The following SPINK5 variants were observed in gnomAD, a reference collection of about 807,000 sequenced individuals.
The protein encoded by SPINK5 is serine peptidase inhibitor Kazal type 5.
In SPINK5, 125 loss-of-function variants were observed where a neutral mutation model predicts 151.8. The ratio of observed to expected loss-of-function variants is 0.82; its 90% CI spans 0.71 to 0.96. The LOEUF (loss-of-function observed/expected upper bound fraction) is 0.96. SPINK5 is among the 40% of genes least tolerant of loss of function. SPINK5 has a pLI of 0.00. For synonymous variants in SPINK5, 374 were observed against 395.3 expected (o/e 0.95, Z 0.64); for missense variants, 1,194 against 1,291.9 (o/e 0.92, Z 1.16).
At chr5:148,133,723 T>G in intron 31 of SPINK5, 74 bp from the exon 32 acceptor site, 1 of 1,461,042 alleles carries the variant, frequency 6.8e-7, no homozygotes, top group Non-Finnish European at 9.6e-7. Flanking sequence ...GTGTCCTGCA[T>G]GTTGGTCCTT....
At position 148,133,778 on chromosome 5, in the gene SPINK5, A is replaced by G; in HGVS notation, c.3096-19A>G. The G allele has an allele frequency of 6.2e-7, 1 of 1,613,030 alleles. No individual in the cohort carries two copies. Among genetic ancestry groups the G allele is most frequent in the East Asian group, 2.2e-5 (1 of 44,884 alleles). ...CTGAGAACTTCCTCGTTGTTGAAGCATCCTCTGATCTGTTTTAGGATACGC... is the reference window on the plus strand; with the variant it reads ...CTGAGAACTTCCTCGTTGTTGAAGCGTCCTCTGATCTGTTTTAGGATACGC... On this transcript the variant is annotated intron_variant, in intron 31 of 32. Transcript: ENST00000256084.
At chr5:148,124,742 C>CTTT (rs3036731) in intron 27 of SPINK5, 23 bp from the exon 28 acceptor site, 111 of 1,373,506 alleles carry the variant, frequency 8.1e-5, no homozygotes, top group African/African-American at 6.8e-4. Context: ...ATTACCCTAT[C>CTTT]TTTTTTTTTA....
intron 2 of SPINK5, among the ~76,000 whole-genome samples, chr5:148,067,402 C>T (rs958086204): frequency 6.6e-6 from 1 of 152,094 alleles, no homozygotes; most frequent in Non-Finnish European, 1.5e-5. Flanking sequence ...AGTTACCCTG[C>T]AAGTAAACAG....
At chr5:148,114,541 A>G (rs567258572) in intron 21 of SPINK5, 52 bp downstream of exon 21, 201 of 1,608,978 alleles carry the variant, frequency 1.2e-4, no homozygotes, top group Admixed American at 6.0e-4. Context: ...TGGGGAAGCA[A>G]TGAGCCAGGC....
chr5:148,135,302 G>A (rs1006465842), intron 32 of SPINK5, among the ~76,000 whole-genome samples: 2 of 152,140 alleles, frequency 1.3e-5, no homozygotes, highest in African/African-American at 4.8e-5. Context: ...GGAGAGAAAG[G>A]TCAAAATAGC....
chr5:148,125,770 C>T lies in SPINK5; in HGVS notation c.2787C>T (p.Ile929=), dbSNP rs781283718. The T allele has an allele frequency of 1.2e-6, 2 of 1,614,210 alleles. No individual in the cohort carries two copies. The highest frequency in any genetic ancestry group is 1.7e-6 in the Non-Finnish European group (2 of 1,180,042). ...ACTATATAAGGAACAATGAACTCAT[C>T]TGCCCTAGAGAGAATGACCCAGTGC... is the stretch of plus-strand genomic sequence containing the variant. ...FRNYIRNNEL[I]CPRENDPVHG... is the part of the protein sequence containing the mutation. Residue 929 remains isoleucine (I), a synonymous_variant, in exon 29 of 33, where the codon ATC becomes ATT. Transcript: ENST00000256084.
chr5:148,125,750 A>G lies in SPINK5; in HGVS notation c.2767A>G (p.Ile923Val), dbSNP rs758950804. The change falls in exon 29 of 33, where the codon ATA becomes GTA. Residue 923 changes from isoleucine to valine, a missense_variant. Coordinates refer to ENST00000256084, the MANE Select transcript of SPINK5 (RefSeq NM_006846.4). ...TGAGTGCAGTGAATTTCGAAACTAT[A>G]TAAGGAACAATGAACTCATCTGCCC... ...KDECSEFRNY[I>V]RNNELICPRE... 5.6e-6 allele frequency: 9 copies of G among 1,614,216 alleles called. No homozygotes were observed. The Admixed American group carries it at 6.7e-5, about 12-fold the overall frequency.
In SPINK5 at chr5:148,137,242, G is replaced by C; in HGVS notation, c.*251G>C. The stretch of plus-strand genomic sequence containing the variant: ...CTCAAAATGTCCTGATTACAATGCT[G>C]TCTGTCCAACTGCCTGTTCAATAAA... On this transcript the variant is annotated 3_prime_UTR_variant, in exon 33 of 33. Transcript: ENST00000256084. 1 of 566,778 alleles carries C rather than the reference G, an allele frequency of 1.8e-6. No individual in the cohort carries two copies. The highest frequency in any genetic ancestry group is 3.1e-6 in the Non-Finnish European group (1 of 318,306). The allele number at this position is 566,778 out of a possible 1,614,324, so 35.1% of individuals were successfully genotyped here.
chr5:148,082,527 G>C (rs1346059636), intron 4 of SPINK5, among the ~76,000 whole-genome samples: 1 of 150,086 alleles, frequency 6.7e-6, no homozygotes, highest in Admixed American at 6.6e-5. Flanking sequence ...AAATGATGTA[G>C]TATTGATTAT....
chr5:148,119,072 T>C lies in SPINK5; in HGVS notation c.2313+14T>C, dbSNP rs776051311. 13 of 1,613,726 alleles carry C rather than the reference T, an allele frequency of 8.1e-6. No homozygotes were observed. The highest frequency in any genetic ancestry group is 9.3e-6 in the Non-Finnish European group (11 of 1,179,712). On this transcript the variant is annotated intron_variant, in intron 24 of 32. Coordinates refer to ENST00000256084, the MANE Select transcript of SPINK5 (RefSeq NM_006846.4). ...GAATCAGGGAAGGTGAGTTATTTTT[T>C]GGGTTTTGGCAAGAATCGTCTTTCT...
intron 2 of SPINK5, 71 bp from the exon 3 acceptor site, chr5:148,070,252 C>G: frequency 6.6e-7 from 1 of 1,519,084 alleles, no homozygotes; most frequent in South Asian, 1.1e-5. Flanking sequence ...CATATATCTA[C>G]ATATATATAT....
At chr5:148,118,748 G>C (rs1296846598) in intron 23 of SPINK5, among the ~76,000 whole-genome samples, 184 bp downstream of exon 23, 3 of 152,148 alleles carry the variant, frequency 2.0e-5, no homozygotes, top group South Asian at 4.1e-4. Flanking sequence ...AGCTAACCAA[G>C]TGGCTGATTT....
chr5:148,121,141 C>T (rs1362612393), intron 26 of SPINK5, among the ~76,000 whole-genome samples: 1 of 15,626 alleles, frequency 6.4e-5, no homozygotes, highest in Admixed American at 1.6e-3. Flanking sequence ...AAGACTCTGT[C>T]TCAAAAAAAA....
rs201879958 is a variant in SPINK5, at chr5:148,097,877, G to A, written c.893G>A (p.Ser298Asn). The part of the protein sequence containing the change: ...KVKREIVKLC[S>N]QYQNQAKNGI... The stretch of plus-strand genomic sequence containing the variant: ...TTATTCATTATTCAGAAACTCTGCA[G>A]TCAATATCAAAATCAGGCAAAGAAT... The change falls in exon 11 of 33, where the codon AGT (serine) becomes AAT (asparagine). Residue 298 changes from serine (S) to asparagine (N), a missense_variant. Coordinates refer to ENST00000256084, the MANE Select transcript of SPINK5 (RefSeq NM_006846.4). The A allele has an allele frequency of 5.8e-5, 93 of 1,609,290 alleles. No individual in the cohort carries two copies. The highest frequency in any genetic ancestry group is 7.0e-5 in the Non-Finnish European group (82 of 1,176,378).
Position 148,116,404 on chromosome 5 carries a change from G to A in SPINK5, c.2050G>A (p.Glu684Lys), listed in dbSNP as rs1414075876. The A allele has an allele frequency of 6.2e-7, 1 of 1,614,074 alleles. No homozygotes were observed. The highest frequency in any genetic ancestry group is 2.2e-5 in the East Asian group (1 of 44,894). Residue 684 changes from glutamate to lysine, a missense_variant, in exon 22 of 33, where the codon GAG becomes AAG. Physicochemically the swap from Glu to Lys is moderately conservative, Grantham distance 56. Transcript: ENST00000256084. ...AAATGAGGAAAGAAAGAGGAAAGAAGAGGAAGATCAGAGAAATGCTGCAGG... is the reference window on the plus strand; with the variant it reads ...AAATGAGGAAAGAAAGAGGAAAGAAAAGGAAGATCAGAGAAATGCTGCAGG... ...KENEERKRKE[E>K]EDQRNAAGHG...
chr5:148,093,669 T>G (rs116150381), intron 8 of SPINK5, among the ~76,000 whole-genome samples: 2,557 of 151,878 alleles, frequency 0.017, 60 homozygotes, highest in African/African-American at 0.059. Context: ...CTTTTTTTTT[T>G]TGTGATTTGG....
At chr5:148,066,975 G>A (rs1183097303) in intron 2 of SPINK5, among the ~76,000 whole-genome samples, 1 of 152,154 alleles carries the variant, frequency 6.6e-6, no homozygotes, top group Non-Finnish European at 1.5e-5. Context: ...TATTGATGTA[G>A]TCTTTTTTAC....
intron 2 of SPINK5, among the ~76,000 whole-genome samples, chr5:148,068,764 AC>A: frequency 6.6e-6 from 1 of 152,174 alleles, no homozygotes; most frequent in Non-Finnish European, 1.5e-5. Context: ...AAAACAAAAA[AC>A]AACAAAAATC....
rs948364328 is a variant in SPINK5, at chr5:148,090,988, T to A, written c.603-177T>A. On this transcript the variant is annotated intron_variant, in intron 7 of 32. Coordinates refer to ENST00000256084, the MANE Select transcript of SPINK5 (RefSeq NM_006846.4). ...TAAGCTATTGCCGTCTTTCTTTCTT[T>A]CCTTATCTTTGGCAATTTCTCTGGC... The A allele has an allele frequency of 3.8e-5, 23 of 609,452 alleles. No individual in the cohort carries two copies. In the Middle Eastern group the frequency reaches 1.7e-3, roughly 46 times the overall value. 37.8% of individuals were successfully genotyped at this position (609,452 alleles called of 1,614,324 possible).
Sources: allele counts gnomAD v4.1 joint callset (sites outside exome capture counted in the v4.1 genomes callset), GRCh38; gene constraint gnomAD v4.1.1; transcripts MANE v1.5; gene names NCBI Gene and HGNC (gene_info 2026-07-23, HGNC 2026-07-21).